The following SV2B variants were observed in gnomAD, a reference collection of about 807,000 sequenced individuals.
SV2B encodes the protein solute carrier family 22 member B2.
SV2B carries 41 observed loss-of-function variants against 73.9 expected under a neutral mutation model. The observed-to-expected ratio is 0.56, with a 90% confidence interval of 0.43 to 0.72. The LOEUF is 0.72. Among genes scored for constraint, SV2B ranks in the 30% least tolerant of loss-of-function variants. SV2B has a pLI of 0.00. For missense variants in SV2B, 764 were observed against 857.8 expected (o/e 0.89, Z 1.37); for synonymous variants, 314 against 314.2 (o/e 1.00, Z 0.01).
intron 6 of SV2B, among the ~76,000 whole-genome samples, chr15:91,266,213 A>T (rs867469041): frequency 1.3e-4 from 20 of 152,298 alleles, no homozygotes; most frequent in African/African-American, 4.8e-4. Context: ...GGTTTAAAAA[A>T]CAATAGCCAA....
At chr15:91,202,397 C>T (rs750708833) in intron 1 of SV2B, among the ~76,000 whole-genome samples, 2 of 152,296 alleles carry the variant, frequency 1.3e-5, no homozygotes, top group Non-Finnish European at 2.9e-5. Flanking sequence ...GAGTTGAATA[C>T]TCACTCTGTA....
intron 1 of SV2B, among the ~76,000 whole-genome samples, chr15:91,155,464 A>G (rs1285056134): frequency 6.6e-6 from 1 of 152,214 alleles, no homozygotes; most frequent in African/African-American, 2.4e-5. Context: ...ATGTTTACCT[A>G]GATCCTGGGG....
At position 91,123,538 on chromosome 15, in the gene SV2B, G is replaced by A. The variant is rs2042396420; in HGVS notation, c.-392+23175G>A. 6.6e-6 allele frequency among the ~76,000 whole-genome samples: 1 copy of A among 152,168 alleles called. No homozygotes were observed. Among genetic ancestry groups the A allele is most frequent in the East Asian group, 1.9e-4 (1 of 5,190 alleles). On this transcript the variant is annotated intron_variant, in intron 1 of 12. Coordinates refer to ENST00000394232, the MANE Select transcript of SV2B (RefSeq NM_001323032.3). This position sits in a 1 kb window ranked among gnomAD's most constrained non-coding sequence, Gnocchi z 4.7. ...CTTGGGTACCCCGGGAGAACTTAGG[G>A]AGACGGGATCTGGTTCCATTCATGC...
chr15:91,292,510 T>C lies in SV2B; in HGVS notation c.2010T>C (p.Ile670=), dbSNP rs201488846. Residue 670 remains isoleucine (I), a synonymous_variant, in exon 13 of 13, where the codon ATT becomes ATC. Transcript: ENST00000394232. ...AAASLVGGGL[I]ALRLPETREQ... is the part of the protein sequence containing the mutation. Reference sequence around the variant, plus strand: ...CTTCTCTGGTTGGGGGTGGCCTGATTGCCCTTCGACTGCCAGAGACTCGAG... The same window carrying C: ...CTTCTCTGGTTGGGGGTGGCCTGATCGCCCTTCGACTGCCAGAGACTCGAG... 1.1e-4 allele frequency: 177 copies of C among 1,614,112 alleles called. No individual in the cohort carries two copies. The highest frequency in any genetic ancestry group is 1.2e-4 in the Non-Finnish European group (144 of 1,180,014).
chr15:91,147,124 A>G (rs956793950), intron 1 of SV2B, among the ~76,000 whole-genome samples: 2 of 152,244 alleles, frequency 1.3e-5, no homozygotes, highest in African/African-American at 4.8e-5. Context: ...TGAAAGACCA[A>G]AAAAATGAAT....
In SV2B at chr15:91,268,563, T is replaced by C; in HGVS notation, c.1331T>C (p.Met444Thr). The part of the protein sequence containing the change: ...HVYGATINFT[M>T]ENQIHQHGKL... ...TACGGCGCCACAATCAACTTCACGA[T>C]GGAAAATCAGATCCACCAACATGGG... is the stretch of plus-strand genomic sequence containing the variant. Residue 444 changes from methionine (M) to threonine (T), a missense_variant, in exon 9 of 13, where the codon ATG becomes ACG. Physicochemically the swap from Met to Thr is moderately conservative, Grantham distance 81 (BLOSUM62 -1). Coordinates refer to ENST00000394232, the MANE Select transcript of SV2B (RefSeq NM_001323032.3). This position sits in a 1 kb window ranked among gnomAD's most constrained non-coding sequence, Gnocchi z 4.4. The C allele has an allele frequency of 6.2e-7, 1 of 1,613,758 alleles. No individual in the cohort carries two copies. Among genetic ancestry groups the C allele is most frequent in the African/African-American group, 1.3e-5 (1 of 75,032 alleles).
At chr15:91,148,262 A>C (rs1008505699) in intron 1 of SV2B, among the ~76,000 whole-genome samples, 1 of 152,068 alleles carries the variant, frequency 6.6e-6, no homozygotes, top group South Asian at 2.1e-4. Context: ...TACAGACATA[A>C]GCCACTGTGC....
chr15:91,183,816 G>A (rs941100987), intron 1 of SV2B, among the ~76,000 whole-genome samples: 3 of 152,170 alleles, frequency 2.0e-5, no homozygotes, highest in African/African-American at 7.2e-5. Context: ...AAACAGAGGG[G>A]GAGGAAACCG....
At chr15:91,144,249 G>T (rs555579234) in intron 1 of SV2B, among the ~76,000 whole-genome samples, 315 of 152,288 alleles carry the variant, frequency 2.1e-3, no homozygotes, top group African/African-American at 7.3e-3. Flanking sequence ...GTTAAACACA[G>T]GACTGGAGTG....
At chr15:91,164,667 G>C (rs1287352922) in intron 1 of SV2B, among the ~76,000 whole-genome samples, 1 of 152,156 alleles carries the variant, frequency 6.6e-6, no homozygotes, top group Non-Finnish European at 1.5e-5. Context: ...GACTATATAA[G>C]AATTCTGCCT....
At position 91,197,390 on chromosome 15, in the gene SV2B, GT is replaced by G. The variant is rs2045287625; in HGVS notation, c.-391-28478del. Among the ~76,000 whole-genome samples the G allele has an allele frequency of 6.6e-6, 1 of 151,596 alleles. No individual in the cohort carries two copies. The highest frequency in any genetic ancestry group is 1.5e-5 in the Non-Finnish European group (1 of 67,892). ...ATTACAGGGGTCCGCCACCACACCTGTTTTTATATTTTTTGTAGAGATGGGG... is the reference window on the plus strand; with the variant it reads ...ATTACAGGGGTCCGCCACCACACCTGTTTTATATTTTTTGTAGAGATGGGG... On this transcript the variant is annotated intron_variant, in intron 1 of 12. Coordinates refer to ENST00000394232, the MANE Select transcript of SV2B (RefSeq NM_001323032.3). The surrounding 1 kb of genome is among the most constrained non-coding windows in gnomAD (Gnocchi z 4.9).
chr15:91,265,556 G>A lies in SV2B; in HGVS notation c.1009-1026G>A, dbSNP rs567563780. 6.6e-6 allele frequency among the ~76,000 whole-genome samples: 1 copy of A among 152,338 alleles called. No homozygotes were observed. Among genetic ancestry groups the A allele is most frequent in the African/African-American group, 2.4e-5 (1 of 41,574 alleles). ...GTGTGGTTTTTAAGGTGCTTCCTGA[G>A]TTGATGTTAACTTCCCCTGTAGCCT... On this transcript the variant is annotated intron_variant, in intron 6 of 12. Transcript: ENST00000394232. This position sits in a 1 kb window ranked among gnomAD's most constrained non-coding sequence, Gnocchi z 4.2.
At position 91,123,444 on chromosome 15, in the gene SV2B, A is replaced by G. The variant is rs1010039041; in HGVS notation, c.-392+23081A>G. Among the ~76,000 whole-genome samples, 3 of 152,196 alleles carry G rather than the reference A, an allele frequency of 2.0e-5. No individual in the cohort carries two copies. The highest frequency in any genetic ancestry group is 2.9e-5 in the Non-Finnish European group (2 of 68,042). On this transcript the variant is annotated intron_variant, in intron 1 of 12. Transcript: ENST00000394232. The surrounding 1 kb of genome is among the most constrained non-coding windows in gnomAD (Gnocchi z 4.7). ...AAATATACATAATTTTTATTTGTCA[A>G]TTAAAAGAAAGAAATAAGAGCTTGA...
chr15:91,229,907 AAC>A lies in SV2B; in HGVS notation c.451+3194_451+3195del, dbSNP rs2046510179. 6.6e-6 allele frequency among the ~76,000 whole-genome samples: 1 copy of A among 152,162 alleles called. No homozygotes were observed. The highest frequency in any genetic ancestry group is 1.5e-5 in the Non-Finnish European group (1 of 68,020). On this transcript the variant is annotated intron_variant, in intron 2 of 12. Coordinates refer to ENST00000394232, the MANE Select transcript of SV2B (RefSeq NM_001323032.3). The surrounding 1 kb of genome is among the most constrained non-coding windows in gnomAD (Gnocchi z 4.3). ...AGGCTGTTTATGTTTGAGTGCTGCT[AAC>A]TCAGTTCTGTCTTTCCCCATCCTCT...
intron 1 of SV2B, among the ~76,000 whole-genome samples, chr15:91,157,449 G>A (rs1005337260): frequency 3.3e-4 from 50 of 152,100 alleles, no homozygotes; most frequent in African/African-American, 1.2e-3. Context: ...ATTTCTTCCT[G>A]GCTGTAGGAT....
intron 1 of SV2B, among the ~76,000 whole-genome samples, chr15:91,126,026 C>T (rs941539605): frequency 4.6e-5 from 7 of 151,906 alleles, no homozygotes; most frequent in Non-Finnish European, 1.0e-4. Context: ...ACTTAATAGT[C>T]ACAAATCTAA....
chr15:91,271,768 G>C (rs933830279), intron 9 of SV2B, among the ~76,000 whole-genome samples: 5 of 152,096 alleles, frequency 3.3e-5, no homozygotes, highest in African/African-American at 1.2e-4. Flanking sequence ...TCTGCTGGTC[G>C]TGAGCTGGAA....
chr15:91,277,835 C>A (rs1390842842), intron 9 of SV2B, among the ~76,000 whole-genome samples: 1 of 152,102 alleles, frequency 6.6e-6, no homozygotes, highest in South Asian at 2.1e-4. Context: ...ATGTTTATAT[C>A]CTTATTATTT....
At chr15:91,222,918 A>G (rs931964375) in intron 1 of SV2B, among the ~76,000 whole-genome samples, 3 of 152,192 alleles carry the variant, frequency 2.0e-5, no homozygotes, top group Non-Finnish European at 2.9e-5. Flanking sequence ...GTTATTTCAT[A>G]AACACTAGGC....
Sources: allele counts gnomAD v4.1 joint callset (sites outside exome capture counted in the v4.1 genomes callset), GRCh38; gene constraint gnomAD v4.1.1; non-coding constraint Gnocchi (gnomAD v3.1); transcripts MANE v1.5; gene names NCBI Gene and HGNC (gene_info 2026-07-23, HGNC 2026-07-21).